The following LSAMP variants were observed in gnomAD, a reference collection of about 807,000 sequenced individuals.
LSAMP encodes limbic system associated membrane protein.
In LSAMP, 7 loss-of-function variants were observed where a neutral mutation model predicts 38.6. The ratio of observed to expected loss-of-function variants is 0.18; its 90% CI spans 0.10 to 0.34. The LOEUF is 0.34. Among genes scored for constraint, LSAMP ranks in the 10% least tolerant of loss-of-function variants. The pLI, the probability that LSAMP is intolerant of heterozygous loss-of-function variation, is 1.00. For synonymous variants in LSAMP, 154 were observed against 166.8 expected, an observed-to-expected ratio of 0.92 and a Z score of 0.59; for missense variants, 313 against 420.0, an observed-to-expected ratio of 0.75 and a Z score of 2.23.
chr3:116,334,588 C>T (rs1332591835), intron 1 of LSAMP, among the ~76,000 whole-genome samples: 1 of 151,986 alleles, frequency 6.6e-6, no homozygotes, highest in Non-Finnish European at 1.5e-5. Flanking sequence ...TGATTCAACA[C>T]ACACAAAAAG....
intron 2 of LSAMP, among the ~76,000 whole-genome samples, chr3:116,072,392 A>T (rs1403575965): frequency 6.6e-6 from 1 of 152,116 alleles, no homozygotes; most frequent in Non-Finnish European, 1.5e-5. Context: ...TAATAGAATG[A>T]TTTATATTCC....
intron 1 of LSAMP, among the ~76,000 whole-genome samples, chr3:116,239,194 A>T (rs7624352): frequency 0.72 from 109,745 of 152,018 alleles, 41,071 homozygotes; most frequent in South Asian, 0.84. Context: ...ATAGAGTCTC[A>T]CATGAGTAGA....
chr3:116,086,310 C>T lies in LSAMP; in HGVS notation c.388+14G>A, dbSNP rs750601417. 1 of 1,606,390 alleles carries T rather than the reference C, an allele frequency of 6.2e-7. No homozygotes were observed. The highest frequency in any genetic ancestry group is 8.5e-7 in the Non-Finnish European group (1 of 1,173,134). ...CCTCTTTCTTACCACCCTTCTATCC[C>T]ACACTTTCCTTACCTTGTACGATCA... On this transcript the variant is annotated intron_variant, in intron 2 of 6. Transcript: ENST00000490035.
At chr3:116,016,170 A>G (rs1940477346) in intron 3 of LSAMP, among the ~76,000 whole-genome samples, 1 of 152,148 alleles carries the variant, frequency 6.6e-6, no homozygotes, top group Non-Finnish European at 1.5e-5. Flanking sequence ...TACGGTTTCC[A>G]TATTTTGAAA....
chr3:115,979,625 T>C (rs1311736080), intron 3 of LSAMP, among the ~76,000 whole-genome samples: 1 of 152,108 alleles, frequency 6.6e-6, no homozygotes, highest in Non-Finnish European at 1.5e-5. Flanking sequence ...AGTTTCTTCA[T>C]GTAACCTTGG....
chr3:116,169,953 G>C (rs1359602422), intron 1 of LSAMP, among the ~76,000 whole-genome samples: 1 of 152,058 alleles, frequency 6.6e-6, no homozygotes, highest in East Asian at 1.9e-4. Flanking sequence ...CACCAGTGAT[G>C]GGCACTAACA....
At chr3:116,088,153 A>G (rs1369322802) in intron 1 of LSAMP, among the ~76,000 whole-genome samples, 2 of 152,128 alleles carry the variant, frequency 1.3e-5, no homozygotes, top group Non-Finnish European at 2.9e-5. Context: ...CACTGGGATT[A>G]TAGTCATGAG....
intron 1 of LSAMP, among the ~76,000 whole-genome samples, chr3:116,347,879 A>C (rs866111752): frequency 1.3e-5 from 2 of 152,200 alleles, no homozygotes; most frequent in Non-Finnish European, 1.5e-5. Flanking sequence ...GGACAAGGAA[A>C]GACAGATATA....
At chr3:116,108,587 C>T (rs143228089) in intron 1 of LSAMP, among the ~76,000 whole-genome samples, 27 of 152,260 alleles carry the variant, frequency 1.8e-4, no homozygotes, top group Admixed American at 6.5e-5. Context: ...AGTCTTCAGC[C>T]GCTAAGCCAA....
chr3:116,045,959 C>G (rs1941279955), intron 2 of LSAMP, among the ~76,000 whole-genome samples: 1 of 152,174 alleles, frequency 6.6e-6, no homozygotes, highest in Non-Finnish European at 1.5e-5. Context: ...CCAGGTCTGC[C>G]TAACCTTGGA....
chr3:116,314,688 C>A (rs559591976), intron 1 of LSAMP, among the ~76,000 whole-genome samples: 1 of 152,144 alleles, frequency 6.6e-6, no homozygotes, highest in African/African-American at 2.4e-5. Context: ...CCCCTGCCTG[C>A]GTCTGGAAGC....
At chr3:116,126,243 C>G (rs756759112) in intron 1 of LSAMP, among the ~76,000 whole-genome samples, 1 of 152,256 alleles carries the variant, frequency 6.6e-6, no homozygotes, top group Middle Eastern at 3.4e-3. Context: ...ACCTGAATCT[C>G]GGCCACATCA....
At position 116,237,867 on chromosome 3, in the gene LSAMP, C is replaced by T. The variant is rs74767519; in HGVS notation, c.156-151311G>A. Among the ~76,000 whole-genome samples the T allele has an allele frequency of 1.1e-3, 162 of 152,286 alleles. 1 individual carries two copies. The highest frequency in any genetic ancestry group is 3.6e-3 in the African/African-American group (151 of 41,566). Reference sequence around the variant, plus strand: ...ATGAGGGAATAGTTTGGAGGGCAGACATCCAAGGGCCAGTACAAATAAATC... The same window carrying T: ...ATGAGGGAATAGTTTGGAGGGCAGATATCCAAGGGCCAGTACAAATAAATC... On this transcript the variant is annotated intron_variant, in intron 1 of 6. Transcript: ENST00000490035.
intron 3 of LSAMP, among the ~76,000 whole-genome samples, chr3:115,909,350 A>G (rs144768116): frequency 2.0e-5 from 3 of 152,292 alleles, no homozygotes; most frequent in East Asian, 3.9e-4. Flanking sequence ...TGGTCCTTTC[A>G]TGCTTGTCTC....
chr3:116,223,033 C>T (rs1357017116), intron 1 of LSAMP, among the ~76,000 whole-genome samples: 11 of 152,034 alleles, frequency 7.2e-5, no homozygotes, highest in Non-Finnish European at 1.3e-4. Flanking sequence ...CCACCGCGCC[C>T]GGCCTCAAAA....
intron 3 of LSAMP, among the ~76,000 whole-genome samples, chr3:115,880,954 A>G (rs1576180021): frequency 6.6e-6 from 1 of 151,882 alleles, no homozygotes; most frequent in South Asian, 2.1e-4. Flanking sequence ...ATGAGAATCC[A>G]TTGAACCCAA....
intron 1 of LSAMP, among the ~76,000 whole-genome samples, chr3:116,426,272 A>C (rs1381545341): frequency 6.6e-6 from 1 of 152,076 alleles, no homozygotes; most frequent in South Asian, 2.1e-4. Context: ...GGATCACTTG[A>C]GGTCAGGAGC....
At chr3:116,185,675 T>G (rs1258900137) in intron 1 of LSAMP, among the ~76,000 whole-genome samples, 1 of 152,102 alleles carries the variant, frequency 6.6e-6, no homozygotes, top group South Asian at 2.1e-4. Flanking sequence ...TCTTAACATA[T>G]TCAACAGATG....
chr3:116,273,836 G>A (rs1028910998), intron 1 of LSAMP, among the ~76,000 whole-genome samples: 3 of 104,486 alleles, frequency 2.9e-5, no homozygotes, highest in African/African-American at 7.8e-5. Context: ...TCTCTCTTTC[G>A]CTTTCTCTTA....
Sources: allele counts gnomAD v4.1 joint callset (sites outside exome capture counted in the v4.1 genomes callset), GRCh38; gene constraint gnomAD v4.1.1; transcripts MANE v1.5; gene names NCBI Gene and HGNC (gene_info 2026-07-23, HGNC 2026-07-21).